The following CTR9 variants were observed in gnomAD, a reference collection of about 807,000 sequenced individuals.
CTR9 encodes RNA polymerase-associated protein CTR9 homolog.
A neutral mutation model predicts 152.1 loss-of-function variants in CTR9; 41 were observed. That is an observed-to-expected ratio of 0.27 (90% CI 0.21 to 0.35). CTR9 has a LOEUF of 0.35. CTR9 is among the 10% of genes least tolerant of loss of function. The pLI is 1.00. For missense variants in CTR9, 917 were observed against 1,424.4 expected, an observed-to-expected ratio of 0.64 and a Z score of 5.73; for synonymous variants, 476 against 496.2, an observed-to-expected ratio of 0.96 and a Z score of 0.54.
chr11:10,770,122 C>A, intron 16 of CTR9, 88 bp from the exon 17 acceptor site: 2 of 897,776 alleles, frequency 2.2e-6, no homozygotes, highest in Admixed American at 2.8e-5. Context: ...TTTTACAGAG[C>A]TTTAAAATTG....
chr11:10,755,591 C>T (rs1862872254), intron 3 of CTR9, 87 bp from the exon 4 acceptor site: 1 of 778,232 alleles, frequency 1.3e-6, no homozygotes, highest in Non-Finnish European at 2.2e-6. Context: ...GCACTGTGCT[C>T]CACCTCCTTC....
intron 5 of CTR9, among the ~76,000 whole-genome samples, 190 bp from the exon 6 acceptor site, chr11:10,759,983 G>A (rs1283081510): frequency 6.6e-6 from 1 of 152,172 alleles, no homozygotes; most frequent in Non-Finnish European, 1.5e-5. Flanking sequence ...AGAGGAGAGG[G>A]TTGGAATATG....
In CTR9 at chr11:10,767,706, T is replaced by C. The variant is rs1863081652; in HGVS notation, c.1687-100T>C. On this transcript the variant is annotated intron_variant, in intron 13 of 24. Transcript: ENST00000361367. The surrounding 1 kb of genome is among the most constrained non-coding windows in gnomAD (Gnocchi z 4.0). The stretch of plus-strand genomic sequence containing the variant: ...AAGAAAGAAAACCACTGTTGTAATA[T>C]AGTTTGTAAACCTCTTCAGTAATCA... The C allele has an allele frequency of 2.0e-6, 2 of 1,010,460 alleles. No individual in the cohort carries two copies. The highest frequency in any genetic ancestry group is 2.4e-5 in the East Asian group (1 of 41,766). The allele number at this position is 1,010,460 out of a possible 1,614,324, so 62.6% of individuals were successfully genotyped here.
intron 6 of CTR9, among the ~76,000 whole-genome samples, chr11:10,760,523 C>G (rs1862959678): frequency 6.6e-6 from 1 of 151,620 alleles, no homozygotes; most frequent in Non-Finnish European, 1.5e-5. Flanking sequence ...AAATGATAGA[C>G]TGTTTACACT....
At position 10,756,785 on chromosome 11, in the gene CTR9, G is replaced by A. The variant is rs773496949; in HGVS notation, c.539G>A (p.Arg180Lys). ...ATTTCCTTCAACAAGAAGGATTACA[G>A]AGGAGCTCTTGCTTACTATAAGAAA... is the stretch of plus-strand genomic sequence containing the variant. Reference protein sequence around the residue: ...ACISFNKKDYRGALAYYKKAL... With the variant: ...ACISFNKKDYKGALAYYKKAL... The change falls in exon 5 of 25, where the codon AGA becomes AAA. Residue 180 changes from arginine (R) to lysine (K), a missense_variant. By Grantham distance (26) the Arg-to-Lys change is conservative (BLOSUM62 2). Coordinates refer to ENST00000361367, the MANE Select transcript of CTR9 (RefSeq NM_014633.5). The A allele has an allele frequency of 1.2e-6, 2 of 1,611,902 alleles. No individual in the cohort carries two copies. The highest frequency in any genetic ancestry group is 1.1e-5 in the South Asian group (1 of 90,654).
chr11:10,754,934 C>A (rs943136051), intron 2 of CTR9, 24 bp from the exon 3 acceptor site: 30 of 1,603,162 alleles, frequency 1.9e-5, no homozygotes, highest in Non-Finnish European at 2.6e-5. Flanking sequence ...TTTAGTGATT[C>A]TAATTTGTTT....
intron 1 of CTR9, among the ~76,000 whole-genome samples, chr11:10,752,328 G>T (rs528627940): frequency 1.3e-5 from 2 of 152,242 alleles, no homozygotes; most frequent in South Asian, 2.1e-4. Flanking sequence ...CAGACCTATG[G>T]CATAATAGTC....
chr11:10,773,617 G>A (rs894092971), intron 21 of CTR9, among the ~76,000 whole-genome samples: 1 of 152,138 alleles, frequency 6.6e-6, no homozygotes, highest in Admixed American at 6.5e-5. Flanking sequence ...GCCGGGCACA[G>A]TGGCTCATGC....
In CTR9 at chr11:10,763,876, C is replaced by T; in HGVS notation, c.1191C>T (p.Ala397=). The change falls in exon 9 of 25, where the codon GCC becomes GCT. Residue 397 remains alanine (A), a synonymous_variant. Coordinates refer to ENST00000361367, the MANE Select transcript of CTR9 (RefSeq NM_014633.5). The stretch of plus-strand genomic sequence containing the variant: ...AAGATCAAGAAAAACGAGATATTGC[C>T]AAGGTACATCTTTTTTTTAAAGTCT... The part of the protein sequence containing the change: ...ASEDQEKRDI[A]KGHLKKVTEQ... The T allele has an allele frequency of 1.9e-6, 3 of 1,592,000 alleles. No homozygotes were observed. Among genetic ancestry groups the T allele is most frequent in the Non-Finnish European group, 2.6e-6 (3 of 1,170,180 alleles).
Position 10,763,765 on chromosome 11 carries a change from A to C in CTR9, c.1080A>C (p.Ala360=). The change falls in exon 9 of 25, where the codon GCA becomes GCC. Residue 360 remains alanine, a synonymous_variant. Transcript: ENST00000361367. ...TTTATCGAGGTGACAAAGAAAATGC[A>C]TCTCAGTGCTTTGAGAAGGTTTTGA... ...MYIYRGDKEN[A]SQCFEKVLKA... 1 of 1,613,684 alleles carries C rather than the reference A, an allele frequency of 6.2e-7. No individual in the cohort carries two copies. Among genetic ancestry groups the C allele is most frequent in the Non-Finnish European group, 8.5e-7 (1 of 1,179,862 alleles).
At chr11:10,761,267 A>ATCAATCAT (rs1862971841) in intron 6 of CTR9, among the ~76,000 whole-genome samples, 2 of 152,166 alleles carry the variant, frequency 1.3e-5, no homozygotes, top group South Asian at 4.2e-4. Flanking sequence ...ACTGGTGTAG[A>ATCAATCAT]TCAATCATGA....
rs1397467879 is a variant in CTR9, at chr11:10,773,179, G to A, written c.2633G>A (p.Arg878Gln). 1 of 1,612,464 alleles carries A rather than the reference G, an allele frequency of 6.2e-7. No individual in the cohort carries two copies. Among genetic ancestry groups the A allele is most frequent in the Non-Finnish European group, 8.5e-7 (1 of 1,179,666 alleles). ...KEEQKKLLEQ[R>Q]AQYVEKTKNI... is the part of the protein sequence containing the mutation. ...GAGCAAAAGAAACTTTTGGAACAGCGGGCCCAGTATGTGGAGAAGACCAAA... is the reference window on the plus strand; with the variant it reads ...GAGCAAAAGAAACTTTTGGAACAGCAGGCCCAGTATGTGGAGAAGACCAAA... Residue 878 changes from arginine (R) to glutamine (Q), a missense_variant, in exon 21 of 25, where the codon CGG (arginine) becomes CAG (glutamine). Arg to Gln is a conservative substitution (Grantham distance 43). Transcript: ENST00000361367.
chr11:10,770,551 T>G lies in CTR9; in HGVS notation c.2291T>G (p.Leu764Ter). ...MFNVALVLQR[L>*]ATSVLKDEKS... ...AATGTGGCCTTGGTCCTGCAAAGAT[T>G]AGCTACCTCTGTCCTGAAAGATGAA... The change falls in exon 18 of 25, where the codon TTA becomes TGA. Residue 764 changes from leucine (L) to a stop codon, truncating the protein, a stop_gained. Coordinates refer to ENST00000361367, the MANE Select transcript of CTR9 (RefSeq NM_014633.5). LOFTEE classifies it high-confidence loss of function. 1 of 1,614,084 alleles carries G rather than the reference T, an allele frequency of 6.2e-7. No homozygotes were observed. The highest frequency in any genetic ancestry group is 8.5e-7 in the Non-Finnish European group (1 of 1,179,980).
At chr11:10,752,427 T>C (rs1393167488) in intron 1 of CTR9, among the ~76,000 whole-genome samples, 4 of 152,212 alleles carry the variant, frequency 2.6e-5, no homozygotes, top group African/African-American at 9.6e-5. Context: ...ATTTCTAGTA[T>C]TTTATAGTTC....
chr11:10,774,294 C>A, intron 22 of CTR9, 125 bp downstream of exon 22: 1 of 1,181,462 alleles, frequency 8.5e-7, no homozygotes, highest in Non-Finnish European at 1.2e-6. Context: ...TTTTTGTGCC[C>A]CCACTTCCTA....
chr11:10,751,282 C>G lies in CTR9; in HGVS notation c.-131C>G, dbSNP rs773512831. 7 of 949,724 alleles carry G rather than the reference C, an allele frequency of 7.4e-6. No individual in the cohort carries two copies. Among genetic ancestry groups the G allele is most frequent in the Non-Finnish European group, 1.1e-5 (7 of 611,404 alleles). The allele number at this position is 949,724 out of a possible 1,614,324, so 58.8% of individuals were successfully genotyped here. On this transcript the variant is annotated 5_prime_UTR_variant, in exon 1 of 25. Transcript: ENST00000361367. The stretch of plus-strand genomic sequence containing the variant: ...GGCTGACGGGAAGGAGAAGCCAGAG[C>G]TCCAGCGGCGCCGCGGGGCGGCAGT...
chr11:10,755,583 A>G (rs1016765453), intron 3 of CTR9, 95 bp from the exon 4 acceptor site: 1 of 698,208 alleles, frequency 1.4e-6, no homozygotes, highest in Admixed American at 2.6e-5. Flanking sequence ...GGGAATTTGC[A>G]CTGTGCTCCA....
intron 3 of CTR9, 116 bp from the exon 4 acceptor site, chr11:10,755,562 A>T (rs1222868255): frequency 1.6e-6 from 1 of 638,054 alleles, no homozygotes; most frequent in Non-Finnish European, 2.7e-6. Context: ...TAAGCACGTT[A>T]CATTTGATAG....
At chr11:10,769,465 A>G (rs572075838) in intron 16 of CTR9, among the ~76,000 whole-genome samples, 7 of 152,284 alleles carry the variant, frequency 4.6e-5, no homozygotes, top group African/African-American at 1.7e-4. Flanking sequence ...TTTTTCTAAA[A>G]TGGGTGGGTT....
Sources: allele counts gnomAD v4.1 joint callset (sites outside exome capture counted in the v4.1 genomes callset), GRCh38; gene constraint gnomAD v4.1.1; non-coding constraint Gnocchi (gnomAD v3.1); transcripts MANE v1.5; gene names NCBI Gene and HGNC (gene_info 2026-07-23, HGNC 2026-07-21).